The following MAPRE1 variants were observed in gnomAD, a reference collection of about 807,000 sequenced individuals.
The protein encoded by MAPRE1 is microtubule associated protein RP/EB family member 1.
MAPRE1 carries 5 observed loss-of-function variants against 32.1 expected under a neutral mutation model. That is an observed-to-expected ratio of 0.16 (90% CI 0.08 to 0.33). The LOEUF (loss-of-function observed/expected upper bound fraction) is 0.33. MAPRE1 is among the 10% of genes least tolerant of loss of function. The probability of loss-of-function intolerance (pLI) is 1.00; values close to 1 mark genes in which losing one functional copy is unlikely to be tolerated. For missense variants in MAPRE1, 209 were observed against 327.2 expected, an observed-to-expected ratio of 0.64 and a Z score of 2.79; for synonymous variants, 122 against 118.9, an observed-to-expected ratio of 1.03 and a Z score of -0.17.
chr20:32,844,080 C>G (rs1215016199), intron 5 of MAPRE1, among the ~76,000 whole-genome samples: 1 of 152,066 alleles, frequency 6.6e-6, no homozygotes, highest in Non-Finnish European at 1.5e-5. Flanking sequence ...TCTCGAACTC[C>G]TGACCTCAGG....
At chr20:32,847,143 C>T (rs756032180) in intron 6 of MAPRE1, among the ~76,000 whole-genome samples, 3 of 152,192 alleles carry the variant, frequency 2.0e-5, no homozygotes, top group Admixed American at 6.5e-5. Flanking sequence ...GGGGCATGCC[C>T]GGAAAAGCAG....
chr20:32,832,466 CTTTT>C (rs34257028), intron 2 of MAPRE1, among the ~76,000 whole-genome samples: 3 of 130,658 alleles, frequency 2.3e-5, no homozygotes, highest in African/African-American at 5.6e-5. Context: ...ACAGTAGTCT[CTTTT>C]TTTTTTTTTT....
At chr20:32,838,244 T>C (rs963873523) in intron 4 of MAPRE1, among the ~76,000 whole-genome samples, 2 of 152,184 alleles carry the variant, frequency 1.3e-5, no homozygotes, top group Non-Finnish European at 2.9e-5. Flanking sequence ...TCATAGAGTA[T>C]GTGATCTTTT....
At chr20:32,837,124 T>C (rs1983223741) in intron 4 of MAPRE1, among the ~76,000 whole-genome samples, 1 of 152,228 alleles carries the variant, frequency 6.6e-6, no homozygotes, top group African/African-American at 2.4e-5. Flanking sequence ...TTGAACAAGT[T>C]ACTGTATGCA....
intron 5 of MAPRE1, among the ~76,000 whole-genome samples, chr20:32,845,015 GTA>G (rs1156753316): frequency 6.6e-6 from 1 of 151,634 alleles, no homozygotes; most frequent in African/African-American, 2.4e-5. Flanking sequence ...ATGTATGTAT[GTA>G]TGTATGTATG....
chr20:32,833,587 AG>A, intron 2 of MAPRE1, 129 bp from the exon 3 acceptor site: 2 of 704,834 alleles, frequency 2.8e-6, no homozygotes, highest in Non-Finnish European at 4.7e-6. Flanking sequence ...CTTCACATGA[AG>A]TTAGTGAAGC....
At chr20:32,836,328 CT>C (rs1431649295) in intron 3 of MAPRE1, among the ~76,000 whole-genome samples, 1 of 152,216 alleles carries the variant, frequency 6.6e-6, no homozygotes, top group Non-Finnish European at 1.5e-5. Context: ...GCATAATGCA[CT>C]TTTGTATCAC....
intron 5 of MAPRE1, among the ~76,000 whole-genome samples, chr20:32,844,989 CTGTATGTATGTA>C (rs35343459): frequency 0.55 from 82,767 of 150,188 alleles, 24,417 homozygotes; most frequent in Non-Finnish European, 0.65. Context: ...AGTAGCTGTA[CTGTATGTATGTA>C]TGTATGTATG....
At chr20:32,819,942 C>A (rs1049969406), upstream of MAPRE1, 1 of 116,294 alleles carries the variant, frequency 8.6e-6, no homozygotes, top group Non-Finnish European at 1.8e-5. Context: ...ATCGCGCGGG[C>A]GGGCGGGCGG....
rs533436695 is a variant in MAPRE1, at chr20:32,843,862, T to C, written c.598-2756T>C. Reference sequence around the variant, plus strand: ...TACTAGCTACAGGTTTTTTTTTTTTTTTTCTTTTGGAGATGGAGTTTTGCT... The same window carrying C: ...TACTAGCTACAGGTTTTTTTTTTTTCTTTCTTTTGGAGATGGAGTTTTGCT... On this transcript the variant is annotated intron_variant, in intron 5 of 6. Coordinates refer to ENST00000375571, the MANE Select transcript of MAPRE1 (RefSeq NM_012325.3). Among the ~76,000 whole-genome samples, 51 of 152,144 alleles carry C rather than the reference T, an allele frequency of 3.4e-4. No individual in the cohort carries two copies. In the South Asian group the frequency reaches 6.8e-3, roughly 20 times the overall value.
rs1983600600 is a variant in MAPRE1 at position 32,849,857 on chromosome 20, C to T, written c.*1129C>T. The T allele has an allele frequency of 1.3e-5, 2 of 152,608 alleles. No individual in the cohort carries two copies. Among genetic ancestry groups the T allele is most frequent in the Admixed American group, 1.3e-4 (2 of 15,280 alleles). 9.5% of individuals were successfully genotyped at this position (152,608 alleles called of 1,614,324 possible). The stretch of plus-strand genomic sequence containing the variant: ...CTCCACTGTAATCCGAATACTTTGC[C>T]AGTGCACTAATCTCTTTGGAGATAA... On this transcript the variant is annotated 3_prime_UTR_variant, in exon 7 of 7. Coordinates refer to ENST00000375571, the MANE Select transcript of MAPRE1 (RefSeq NM_012325.3).
At chr20:32,842,214 T>C (rs1230637321) in intron 5 of MAPRE1, among the ~76,000 whole-genome samples, 1 of 152,130 alleles carries the variant, frequency 6.6e-6, no homozygotes, top group Non-Finnish European at 1.5e-5. Flanking sequence ...GCCTCCCCAG[T>C]AGCTGGGACT....
chr20:32,819,927 A>G (rs922769196), upstream of MAPRE1: 5 of 126,820 alleles, frequency 3.9e-5, no homozygotes, highest in African/African-American at 1.5e-4. Flanking sequence ...GGTGCGTGTG[A>G]GGTCATCGCG....
Position 32,846,734 on chromosome 20 carries a change from A to G in MAPRE1, c.714A>G (p.Val238=), listed in dbSNP as rs142905797. Residue 238 remains valine (V), a synonymous_variant, in exon 6 of 7, where the codon GTA becomes GTG. Coordinates refer to ENST00000375571, the MANE Select transcript of MAPRE1 (RefSeq NM_012325.3). ...AGAACGAGGGGGAAAACGACCCTGT[A>G]TTGCAGAGGATTGTAGACATTCTGT... ...CQENEGENDP[V]LQRIVDILYA... is the part of the protein sequence containing the mutation. The G allele has an allele frequency of 1.4e-3, 2,275 of 1,614,200 alleles. 2 individuals carry two copies. The highest frequency in any genetic ancestry group is 1.6e-3 in the Non-Finnish European group (1,855 of 1,180,030).
At chr20:32,833,688 G>C (rs761946202) in intron 2 of MAPRE1, 29 bp from the exon 3 acceptor site, 4 of 1,595,026 alleles carry the variant, frequency 2.5e-6, no homozygotes, top group Non-Finnish European at 3.4e-6. Context: ...TTCTTTAATT[G>C]TATTTTTCTG....
chr20:32,831,098 CAG>C (rs1034716752), intron 2 of MAPRE1, among the ~76,000 whole-genome samples: 1 of 151,890 alleles, frequency 6.6e-6, no homozygotes, highest in Non-Finnish European at 1.5e-5. Flanking sequence ...CAAACCAAAA[CAG>C]AAGATAGGAA....
intron 5 of MAPRE1, among the ~76,000 whole-genome samples, chr20:32,844,243 T>C (rs980601740): frequency 1.3e-5 from 2 of 151,936 alleles, no homozygotes; most frequent in African/African-American, 4.8e-5. Flanking sequence ...TTTTTAGTGA[T>C]TTAGTGTTTG....
chr20:32,830,747 T>TC, intron 2 of MAPRE1, among the ~76,000 whole-genome samples: 1 of 151,802 alleles, frequency 6.6e-6, no homozygotes, highest in Admixed American at 6.6e-5. Flanking sequence ...AACTTTTTTT[T>TC]TTTTTTTGAG....
chr20:32,841,290 T>C (rs1335172375), intron 5 of MAPRE1, among the ~76,000 whole-genome samples: 1 of 152,166 alleles, frequency 6.6e-6, no homozygotes, highest in Non-Finnish European at 1.5e-5. Flanking sequence ...AGAGACTTCC[T>C]GTAACTATTT....
Sources: allele counts gnomAD v4.1 joint callset (sites outside exome capture counted in the v4.1 genomes callset), GRCh38; gene constraint gnomAD v4.1.1; transcripts MANE v1.5; gene names NCBI Gene and HGNC (gene_info 2026-07-23, HGNC 2026-07-21).